The following PLEKHA7 variants were observed in gnomAD, a reference collection of about 807,000 sequenced individuals.
PLEKHA7 encodes the protein pleckstrin homology domain containing A7, also known as pleckstrin homology domain-containing family A member 7.
In PLEKHA7, 104 loss-of-function variants were observed where a neutral mutation model predicts 170.0. The ratio of observed to expected loss-of-function variants is 0.61; its 90% CI spans 0.52 to 0.72. The LOEUF (loss-of-function observed/expected upper bound fraction) is 0.72. PLEKHA7 is among the 30% of genes least tolerant of loss of function. PLEKHA7 has a pLI of 0.00. For synonymous variants in PLEKHA7, 648 were observed against 660.8 expected (o/e 0.98, Z 0.30); for missense variants, 1,615 against 1,671.7 (o/e 0.97, Z 0.59).
chr11:16,811,141 A>T (rs960374383), intron 13 of PLEKHA7, among the ~76,000 whole-genome samples: 6 of 152,200 alleles, frequency 3.9e-5, no homozygotes, highest in Non-Finnish European at 7.3e-5. Flanking sequence ...ATCTTGAAAT[A>T]AAACAAACCT....
At chr11:16,883,916 C>A (rs994489161) in intron 3 of PLEKHA7, among the ~76,000 whole-genome samples, 2 of 152,190 alleles carry the variant, frequency 1.3e-5, no homozygotes, top group Non-Finnish European at 2.9e-5. Context: ...ATCCCAGGGG[C>A]AACTACCTTT....
chr11:16,990,287 A>AAACAAAAAAAAACC (rs559675381), intron 3 of PLEKHA7, among the ~76,000 whole-genome samples: 1 of 111,250 alleles, frequency 9.0e-6, no homozygotes, highest in Non-Finnish European at 1.8e-5. Flanking sequence ...AAAAAAAAAA[A>AAACAAAAAAAAACC]AAAAAAAAAA....
chr11:16,927,994 G>C (rs1029092692), intron 3 of PLEKHA7, among the ~76,000 whole-genome samples: 1 of 152,080 alleles, frequency 6.6e-6, no homozygotes, highest in African/African-American at 2.4e-5. Flanking sequence ...GAGGGGGAAG[G>C]GGGGGTCTGT....
intron 7 of PLEKHA7, among the ~76,000 whole-genome samples, chr11:16,851,856 C>T (rs1307425915): frequency 1.3e-5 from 2 of 152,264 alleles, no homozygotes; most frequent in African/African-American, 4.8e-5. Context: ...GCTTTGAAAG[C>T]ACCAGTAGCA....
At chr11:16,886,102 T>A (rs1856080769) in intron 3 of PLEKHA7, among the ~76,000 whole-genome samples, 1 of 151,954 alleles carries the variant, frequency 6.6e-6, no homozygotes, top group Non-Finnish European at 1.5e-5. Flanking sequence ...ACCAATTCTA[T>A]CCCTATAGAA....
chr11:16,862,081 T>G (rs1421391323), intron 4 of PLEKHA7, among the ~76,000 whole-genome samples: 1 of 152,172 alleles, frequency 6.6e-6, no homozygotes. Flanking sequence ...TGGGGGAGGC[T>G]GTCTGACACG....
chr11:16,948,834 G>A (rs1861221691), intron 3 of PLEKHA7, among the ~76,000 whole-genome samples: 1 of 152,188 alleles, frequency 6.6e-6, no homozygotes, highest in Non-Finnish European at 1.5e-5. Context: ...CCTCCGTGAA[G>A]CCCTTGCCCA....
intron 10 of PLEKHA7, among the ~76,000 whole-genome samples, chr11:16,818,078 G>C (rs1590214515): frequency 2.4e-5 from 2 of 84,988 alleles, no homozygotes; most frequent in East Asian, 1.1e-3. Flanking sequence ...CCCTACACCT[G>C]CTGGTGCCTG....
intron 17 of PLEKHA7, chr11:16,795,327 C>T (rs1848146108): frequency 3.4e-6 from 1 of 292,994 alleles, no homozygotes; most frequent in Non-Finnish European, 6.4e-6. Flanking sequence ...TTAGAGTAGT[C>T]AATTTCGTAG....
chr11:16,902,707 T>C (rs1383732888), intron 3 of PLEKHA7, among the ~76,000 whole-genome samples: 1 of 152,216 alleles, frequency 6.6e-6, no homozygotes, highest in African/African-American at 2.4e-5. Context: ...AATTCAAATG[T>C]TACTTATTAG....
chr11:16,990,534 C>A (rs1333280928), intron 3 of PLEKHA7, among the ~76,000 whole-genome samples: 1 of 152,156 alleles, frequency 6.6e-6, no homozygotes, highest in Non-Finnish European at 1.5e-5. Context: ...CTGTGGGGTC[C>A]ATAAAAGCCT....
chr11:16,786,660 G>T, intron 23 of PLEKHA7: 5 of 985,368 alleles, frequency 5.1e-6, no homozygotes, highest in Non-Finnish European at 6.0e-6. Flanking sequence ...GTGGTCCCCA[G>T]GGAAATAGAA....
chr11:16,857,482 C>T (rs900401327), intron 4 of PLEKHA7, among the ~76,000 whole-genome samples: 3 of 152,234 alleles, frequency 2.0e-5, no homozygotes, highest in African/African-American at 7.2e-5. Flanking sequence ...AGCAAGATAA[C>T]CGCTGATCAG....
At chr11:16,822,534 A>C (rs1229484119) in intron 10 of PLEKHA7, among the ~76,000 whole-genome samples, 3 of 150,132 alleles carry the variant, frequency 2.0e-5, no homozygotes, top group Non-Finnish European at 3.0e-5. Context: ...AAAGGAAAGA[A>C]GGCACCACGC....
At chr11:16,846,277 T>C (rs1852403298) in intron 8 of PLEKHA7, among the ~76,000 whole-genome samples, 1 of 150,282 alleles carries the variant, frequency 6.7e-6, no homozygotes, top group African/African-American at 2.5e-5. Context: ...AGAGCAAGAC[T>C]CCATGGAAAG....
At chr11:16,877,065 A>C (rs146570842) in intron 3 of PLEKHA7, among the ~76,000 whole-genome samples, 2 of 152,332 alleles carry the variant, frequency 1.3e-5, no homozygotes, top group African/African-American at 4.8e-5. Context: ...AAAATGTAAG[A>C]AAAGTATCTG....
chr11:16,993,881 G>A (rs1341813268), intron 3 of PLEKHA7, among the ~76,000 whole-genome samples: 1 of 152,202 alleles, frequency 6.6e-6, no homozygotes, highest in Non-Finnish European at 1.5e-5. Context: ...CTTGCCTACT[G>A]TGTCTGGGTA....
intron 8 of PLEKHA7, 36 bp from the exon 9 acceptor site, chr11:16,841,758 G>T (rs1207635526): frequency 4.4e-6 from 7 of 1,598,762 alleles, no homozygotes; most frequent in Admixed American, 3.4e-5. Context: ...TCAGAGGGAG[G>T]TTATCACACA....
At chr11:16,851,090 G>A in intron 8 of PLEKHA7, 101 bp downstream of exon 8, 1 of 828,418 alleles carries the variant, frequency 1.2e-6, no homozygotes, top group Non-Finnish European at 1.8e-6. Context: ...AAACTCTCTA[G>A]CTTCTTCCCC....
Sources: allele counts gnomAD v4.1 joint callset (sites outside exome capture counted in the v4.1 genomes callset), GRCh38; gene constraint gnomAD v4.1.1; transcripts MANE v1.5; gene names NCBI Gene and HGNC (gene_info 2026-07-23, HGNC 2026-07-21).